Variants in GLB1L2 observed in about 807,000 individuals in gnomAD.
The protein encoded by GLB1L2 is galactosidase beta 1 like 2, also known as beta-galactosidase-1-like protein 2.
In GLB1L2, 68 loss-of-function variants were observed where a neutral mutation model predicts 84.1. The observed-to-expected ratio is 0.81, with a 90% CI of 0.67 to 0.99. GLB1L2 has a LOEUF of 0.99. GLB1L2 is among the 50% of genes least tolerant of loss of function. The probability of loss-of-function intolerance (pLI) is 0.00; values close to 1 mark genes in which losing one functional copy is unlikely to be tolerated. For missense variants in GLB1L2, 762 were observed against 805.6 expected, an observed-to-expected ratio of 0.95 and a Z score of 0.66; for synonymous variants, 290 against 318.0, an observed-to-expected ratio of 0.91 and a Z score of 0.94.
chr11:134,368,049 C>T (rs551695465), intron 9 of GLB1L2, among the ~76,000 whole-genome samples: 4 of 152,288 alleles, frequency 2.6e-5, no homozygotes, highest in South Asian at 4.1e-4. Flanking sequence ...CAGCTTCAGC[C>T]GCTGCTGCTG....
intron 6 of GLB1L2, among the ~76,000 whole-genome samples, chr11:134,357,438 G>A (rs1331093263): frequency 6.6e-6 from 1 of 152,222 alleles, no homozygotes; most frequent in African/African-American, 2.4e-5. Flanking sequence ...CATTCTGATG[G>A]CCATGCCCAG....
At chr11:134,367,873 G>A (rs1438504482) in intron 9 of GLB1L2, among the ~76,000 whole-genome samples, 1 of 152,264 alleles carries the variant, frequency 6.6e-6, no homozygotes, top group Non-Finnish European at 1.5e-5. Context: ...AGTCTCCCGG[G>A]TTGTTTCTGG....
rs114803912 is a variant in GLB1L2, at chr11:134,344,020, C to T, written c.285-367C>T. Among the ~76,000 whole-genome samples, 587 of 152,312 alleles carry T rather than the reference C, an allele frequency of 3.9e-3. 3 individuals carry two copies. The highest frequency in any genetic ancestry group is 0.013 in the African/African-American group (539 of 41,578). On this transcript the variant is annotated intron_variant, in intron 2 of 18. Coordinates refer to ENST00000535456, the MANE Select transcript of GLB1L2 (RefSeq NM_001370461.1). ...CATTCTGTTGCCCGTTTTGGAATTC[C>T]GGGGCTTCAGTAAATATAGGATGAT...
At chr11:134,363,794 G>T (rs1354367511) in intron 7 of GLB1L2, among the ~76,000 whole-genome samples, 1 of 152,186 alleles carries the variant, frequency 6.6e-6, no homozygotes. Flanking sequence ...GGTGCACAGC[G>T]AGTGACTGCC....
At chr11:134,356,049 T>A in intron 5 of GLB1L2, 1 of 624,862 alleles carries the variant, frequency 1.6e-6, no homozygotes, top group South Asian at 1.5e-5. Flanking sequence ...GGTGGTCACT[T>A]GTTTGGTTAG....
chr11:134,355,631 C>A (rs1457557530), intron 5 of GLB1L2, among the ~76,000 whole-genome samples: 2 of 152,208 alleles, frequency 1.3e-5, no homozygotes. Flanking sequence ...CAGAGTCTCA[C>A]CCCAGCTTCT....
At chr11:134,367,925 G>A (rs904549418) in intron 9 of GLB1L2, among the ~76,000 whole-genome samples, 2 of 152,156 alleles carry the variant, frequency 1.3e-5, no homozygotes, top group African/African-American at 4.8e-5. Context: ...GCATCCCGGT[G>A]AGCATCCCGG....
At chr11:134,359,258 G>A (rs949418769) in intron 7 of GLB1L2, 117 bp downstream of exon 7, 38 of 688,378 alleles carry the variant, frequency 5.5e-5, no homozygotes, top group African/African-American at 5.5e-5. Flanking sequence ...TTATTCTCCC[G>A]TGCATATGGC....
At chr11:134,355,944 C>T in intron 5 of GLB1L2, 1 of 473,226 alleles carries the variant, frequency 2.1e-6, no homozygotes, top group Non-Finnish European at 4.2e-6. Context: ...GACGCATCCT[C>T]CTGACCACAC....
intron 1 of GLB1L2, among the ~76,000 whole-genome samples, chr11:134,337,857 C>A (rs764967713): frequency 6.6e-6 from 1 of 152,162 alleles, no homozygotes; most frequent in East Asian, 1.9e-4. Context: ...TCAGTTGAAC[C>A]TCTGTTTAGG....
At chr11:134,336,401 T>C (rs1476556161) in intron 1 of GLB1L2, among the ~76,000 whole-genome samples, 1 of 152,218 alleles carries the variant, frequency 6.6e-6, no homozygotes, top group Admixed American at 6.5e-5. Flanking sequence ...TTCAGAAATA[T>C]TCTATGCATA....
Position 134,367,306 on chromosome 11 carries a change from C to T in GLB1L2, c.854C>T (p.Ser285Leu), listed in dbSNP as rs117422861. Residue 285 changes from serine to leucine, a missense_variant, in exon 9 of 19, where the codon TCG becomes TTG. By Grantham distance (145) the Ser-to-Leu change is moderately radical. Transcript: ENST00000535456. ...GAGTACTGGACGGGGTGGTTTGACT[C>T]GTGGGGAGGCCCTCACAATATCTTG... ...VMEYWTGWFD[S>L]WGGPHNILDS... 32,452 of 1,613,908 alleles carry T rather than the reference C, an allele frequency of 0.02. 381 individuals are homozygous for T. Among genetic ancestry groups the T allele is most frequent in the Non-Finnish European group, 0.023 (27,150 of 1,179,868 alleles).
chr11:134,341,438 C>G (rs963938567), intron 1 of GLB1L2, among the ~76,000 whole-genome samples: 6 of 152,162 alleles, frequency 3.9e-5, no homozygotes, highest in Non-Finnish European at 8.8e-5. Flanking sequence ...CCTATTCCAG[C>G]TAGCGTTTTT....
At chr11:134,364,490 C>CGCT in intron 8 of GLB1L2, 92 bp downstream of exon 8, 2 of 1,053,952 alleles carry the variant, frequency 1.9e-6, no homozygotes, top group Non-Finnish European at 2.9e-6. Flanking sequence ...TTCCCCAGCG[C>CGCT]AGGGAGCTGG....
intron 15 of GLB1L2, 121 bp from the exon 16 acceptor site, chr11:134,373,600 C>A: frequency 1.5e-6 from 1 of 681,136 alleles, no homozygotes. Context: ...CCCAGCTTCT[C>A]AGGGAGCGTA....
At chr11:134,344,115 G>A (rs1273521718) in intron 2 of GLB1L2, among the ~76,000 whole-genome samples, 4 of 152,200 alleles carry the variant, frequency 2.6e-5, no homozygotes, top group Non-Finnish European at 2.9e-5. Context: ...CCAATGGGGC[G>A]TGGGCATGGT....
rs1038278334 is a variant in GLB1L2, at chr11:134,370,203, A to T, written c.1109-90A>T. 1.6e-5 allele frequency: 17 copies of T among 1,065,370 alleles called. No individual in the cohort carries two copies. Among genetic ancestry groups the T allele is most frequent in the Non-Finnish European group, 2.3e-5 (16 of 687,366 alleles). 66.0% of individuals were successfully genotyped at this position (1,065,370 alleles called of 1,614,324 possible). On this transcript the variant is annotated intron_variant, in intron 11 of 18. Coordinates refer to ENST00000535456, the MANE Select transcript of GLB1L2 (RefSeq NM_001370461.1). This position sits in a 1 kb window ranked among gnomAD's most constrained non-coding sequence, Gnocchi z 4.7. ...TCTTGGTGCTGGGACGCAGGAGCAC[A>T]TCGGGTCTGTGGATGGGAGCCGGGT... is the stretch of plus-strand genomic sequence containing the variant.
At chr11:134,333,284 G>T (rs1282253175) in intron 1 of GLB1L2, among the ~76,000 whole-genome samples, 1 of 152,124 alleles carries the variant, frequency 6.6e-6, no homozygotes, top group Non-Finnish European at 1.5e-5. Flanking sequence ...TAACTTCTCC[G>T]GTTGTTCCCA....
intron 1 of GLB1L2, 66 bp downstream of exon 1, chr11:134,332,213 C>T: frequency 1.7e-6 from 2 of 1,189,548 alleles, no homozygotes; most frequent in East Asian, 3.0e-5. Flanking sequence ...ACCTCGGGTT[C>T]TCTCCTCCCG....
Sources: allele counts gnomAD v4.1 joint callset (sites outside exome capture counted in the v4.1 genomes callset), GRCh38; gene constraint gnomAD v4.1.1; non-coding constraint Gnocchi (gnomAD v3.1); transcripts MANE v1.5; gene names NCBI Gene and HGNC (gene_info 2026-07-23, HGNC 2026-07-21).